Variants in XYLT1 observed in about 807,000 individuals in gnomAD.
XYLT1 encodes xylosyltransferase 1, also known as beta-D-xylosyltransferase 1.
In XYLT1, 36 loss-of-function variants were observed where a neutral mutation model predicts 91.3. That is an observed-to-expected ratio of 0.39 (90% CI 0.30 to 0.52). The LOEUF is 0.52. Among genes scored for constraint, XYLT1 ranks in the 20% least tolerant of loss-of-function variants. The pLI, the probability that XYLT1 is intolerant of heterozygous loss-of-function variation, is 0.68. For missense variants in XYLT1, 1,242 were observed against 1,284.5 expected, an observed-to-expected ratio of 0.97 and a Z score of 0.51; for synonymous variants, 588 against 532.0, an observed-to-expected ratio of 1.11 and a Z score of -1.45.
At chr16:17,388,425 A>G (rs146507807) in intron 1 of XYLT1, among the ~76,000 whole-genome samples, 1 of 152,144 alleles carries the variant, frequency 6.6e-6, no homozygotes. Context: ...ACAATTCATG[A>G]ACAGGGCCTC....
chr16:17,246,216 A>G lies in XYLT1; in HGVS notation c.913+12772T>C, dbSNP rs567533830. Among the ~76,000 whole-genome samples the G allele has an allele frequency of 4.6e-5, 7 of 152,340 alleles. No homozygotes were observed. The South Asian group carries it at 1.2e-3, about 27-fold the overall frequency. On this transcript the variant is annotated intron_variant, in intron 3 of 11. Coordinates refer to ENST00000261381, the MANE Select transcript of XYLT1 (RefSeq NM_022166.4). ...TTTGAATACAAAGTTGTTATGAGGA[A>G]TAAATGAGTTAATGTGGCTAAACCT... is the stretch of plus-strand genomic sequence containing the variant.
At chr16:17,113,047 C>G (rs572573863) in intron 11 of XYLT1, among the ~76,000 whole-genome samples, 18 of 152,108 alleles carry the variant, frequency 1.2e-4, no homozygotes, top group Admixed American at 3.9e-4. Flanking sequence ...CCACGTTGGT[C>G]AGGCTGGTCT....
chr16:17,222,987 G>T (rs1374160872), intron 3 of XYLT1, among the ~76,000 whole-genome samples: 6 of 148,624 alleles, frequency 4.0e-5, no homozygotes, highest in Non-Finnish European at 8.9e-5. Context: ...AACTCACACA[G>T]AGACACCCCT....
Position 17,240,190 on chromosome 16 carries a change from T to C in XYLT1, c.913+18798A>G. Among the ~76,000 whole-genome samples the C allele has an allele frequency of 1.3e-5, 2 of 152,150 alleles. 1 individual carries two copies. The highest frequency in any genetic ancestry group is 2.9e-5 in the Non-Finnish European group (2 of 68,032). On this transcript the variant is annotated intron_variant, in intron 3 of 11. Transcript: ENST00000261381. The stretch of plus-strand genomic sequence containing the variant: ...TGGGAGAGGCATGAGAACAGGGGTA[T>C]GGACAGGAAGACTAGCATGTGGGGA...
chr16:17,376,251 G>A (rs2035599894), intron 1 of XYLT1, among the ~76,000 whole-genome samples: 1 of 152,192 alleles, frequency 6.6e-6, no homozygotes, highest in Admixed American at 6.5e-5. Flanking sequence ...AGAGGGTAGA[G>A]ACAGGGATGG....
chr16:17,418,785 C>A (rs1335307976), intron 1 of XYLT1, among the ~76,000 whole-genome samples: 1 of 151,638 alleles, frequency 6.6e-6, no homozygotes, highest in Non-Finnish European at 1.5e-5. Context: ...GACATTGAGG[C>A]TGCAGAGAGC....
chr16:17,155,089 A>C (rs2031373006), intron 6 of XYLT1, among the ~76,000 whole-genome samples: 1 of 152,212 alleles, frequency 6.6e-6, no homozygotes, highest in African/African-American at 2.4e-5. Flanking sequence ...AGCTGCCTCA[A>C]AGTCACCAGT....
At chr16:17,161,589 G>A (rs2031554116) in intron 5 of XYLT1, among the ~76,000 whole-genome samples, 1 of 152,066 alleles carries the variant, frequency 6.6e-6, no homozygotes. Flanking sequence ...GACGCCTGTC[G>A]ATAATTGCCT....
chr16:17,115,374 C>CTT (rs1966849855), intron 11 of XYLT1, among the ~76,000 whole-genome samples: 1 of 142,582 alleles, frequency 7.0e-6, no homozygotes, highest in Non-Finnish European at 1.5e-5. Flanking sequence ...GTTTCAGCTA[C>CTT]TTAGGAGGCT....
At chr16:17,333,310 AG>A (rs2034928427) in intron 2 of XYLT1, among the ~76,000 whole-genome samples, 1 of 152,232 alleles carries the variant, frequency 6.6e-6, no homozygotes, top group Admixed American at 6.5e-5. Flanking sequence ...ATATGGAAAA[AG>A]TATCAAATCT....
chr16:17,254,530 G>C (rs1045941374), intron 3 of XYLT1, among the ~76,000 whole-genome samples: 2 of 152,116 alleles, frequency 1.3e-5, no homozygotes, highest in Non-Finnish European at 2.9e-5. Flanking sequence ...GAGTAGCTGG[G>C]ATTACAGGCA....
intron 2 of XYLT1, among the ~76,000 whole-genome samples, chr16:17,288,384 G>A (rs2034172914): frequency 6.6e-6 from 1 of 151,974 alleles, no homozygotes. Flanking sequence ...CTCATGGCAA[G>A]AGTAACGGCA....
At position 17,164,754 on chromosome 16, in the gene XYLT1, AT is replaced by A. The variant is rs1245491459; in HGVS notation, c.1290-5846del. Among the ~76,000 whole-genome samples the A allele has an allele frequency of 1.1e-4, 16 of 152,080 alleles. No individual in the cohort carries two copies. In the East Asian group the frequency reaches 2.7e-3, roughly 26 times the overall value. ...CTCTCTCATGTACCACCTGTATGTT[AT>A]TTTTTTCCCTGTTACACATTAAAAA... On this transcript the variant is annotated intron_variant, in intron 5 of 11. Transcript: ENST00000261381.
At chr16:17,222,882 C>A (rs534169761) in intron 3 of XYLT1, among the ~76,000 whole-genome samples, 119 of 151,104 alleles carry the variant, frequency 7.9e-4, no homozygotes, top group African/African-American at 2.8e-3. Flanking sequence ...CCTCTGGCAA[C>A]TGTGACGGCC....
intron 1 of XYLT1, among the ~76,000 whole-genome samples, chr16:17,444,179 C>T (rs1049850908): frequency 6.6e-6 from 1 of 152,172 alleles, no homozygotes; most frequent in Non-Finnish European, 1.5e-5. Flanking sequence ...GGAGGCCTTC[C>T]CTGGTCATCC....
At chr16:17,114,786 T>C (rs1165214620) in intron 11 of XYLT1, among the ~76,000 whole-genome samples, 1 of 152,180 alleles carries the variant, frequency 6.6e-6, no homozygotes, top group Non-Finnish European at 1.5e-5. Flanking sequence ...ATCCTGTTTC[T>C]ACGAGTTTGT....
At chr16:17,157,451 G>A (rs919744857) in intron 6 of XYLT1, among the ~76,000 whole-genome samples, 17 of 152,116 alleles carry the variant, frequency 1.1e-4, no homozygotes, top group Non-Finnish European at 1.8e-4. Flanking sequence ...AGGACCGAGC[G>A]ACCTAAGATC....
chr16:17,264,455 T>A (rs1301975715), intron 2 of XYLT1, among the ~76,000 whole-genome samples: 1 of 152,252 alleles, frequency 6.6e-6, no homozygotes, highest in Non-Finnish European at 1.5e-5. Context: ...TGCCACATTT[T>A]CTTTATCCAG....
At chr16:17,187,032 G>C (rs1048914224) in intron 5 of XYLT1, among the ~76,000 whole-genome samples, 3 of 152,088 alleles carry the variant, frequency 2.0e-5, no homozygotes, top group Non-Finnish European at 4.4e-5. Context: ...GTCCTATTCA[G>C]AGAAATGGGG....
Sources: gnomAD v4.1 joint callset for allele counts (sites outside exome capture counted in the v4.1 genomes callset) on GRCh38, gnomAD v4.1.1 for gene constraint, MANE v1.5 for transcripts, NCBI Gene and HGNC (gene_info 2026-07-23, HGNC 2026-07-21) for gene names.